The following UNKL variants were observed in gnomAD, a reference collection of about 807,000 sequenced individuals.
UNKL encodes putative E3 ubiquitin-protein ligase UNKL.
A neutral mutation model predicts 78.0 loss-of-function variants in UNKL; 60 were observed. That is an observed-to-expected ratio of 0.77 (90% CI 0.63 to 0.95). The LOEUF is 0.95. Among genes scored for constraint, UNKL ranks in the 40% least tolerant of loss-of-function variants. UNKL has a pLI of 0.00. For synonymous variants in UNKL, 608 were observed against 474.8 expected, an observed-to-expected ratio of 1.28 and a Z score of -3.65; for missense variants, 1,159 against 1,045.7, an observed-to-expected ratio of 1.11 and a Z score of -1.49.
At chr16:1,396,616 CAG>C (rs1387058746) in intron 6 of UNKL, among the ~76,000 whole-genome samples, 12 of 151,670 alleles carry the variant, frequency 7.9e-5, no homozygotes, top group African/African-American at 9.7e-5. Flanking sequence ...TTTCCTGAGG[CAG>C]AGTCTTGCTC....
intron 10 of UNKL, among the ~76,000 whole-genome samples, chr16:1,382,315 C>T (rs139242423): frequency 5.1e-4 from 78 of 152,326 alleles, no homozygotes; most frequent in Middle Eastern, 3.4e-3. Flanking sequence ...GGCCGGAGGG[C>T]GGAAGTTTGA....
chr16:1,389,897 G>C (rs938270112), intron 9 of UNKL, among the ~76,000 whole-genome samples: 4 of 152,142 alleles, frequency 2.6e-5, no homozygotes, highest in Admixed American at 2.6e-4. Flanking sequence ...TCCACCTCCT[G>C]GGCTCCAGCA....
At chr16:1,398,582 C>A in intron 5 of UNKL, 1 of 1,405,314 alleles carries the variant, frequency 7.1e-7, no homozygotes, top group Non-Finnish European at 9.2e-7. Flanking sequence ...TCAAAAGAGG[C>A]GAGGGTGGCT....
chr16:1,380,738 G>A (rs1345038462), intron 10 of UNKL, among the ~76,000 whole-genome samples: 1 of 143,382 alleles, frequency 7.0e-6, no homozygotes, highest in Non-Finnish European at 1.5e-5. Flanking sequence ...GCAGTGGCAC[G>A]ATCTCAGCTC....
chr16:1,389,842 G>A (rs2036968741), intron 9 of UNKL, among the ~76,000 whole-genome samples: 1 of 152,144 alleles, frequency 6.6e-6, no homozygotes, highest in South Asian at 2.1e-4. Context: ...TTGAGACAGG[G>A]CCTCACTCTG....
In UNKL at chr16:1,387,202, A is replaced by T. The variant is rs2036852115; in HGVS notation, c.1087-1817T>A. Among the ~76,000 whole-genome samples the T allele has an allele frequency of 6.6e-6, 1 of 151,046 alleles. No homozygotes were observed. The highest frequency in any genetic ancestry group is 1.9e-4 in the East Asian group (1 of 5,150). On this transcript the variant is annotated intron_variant, in intron 9 of 14. Transcript: ENST00000389221. The surrounding 1 kb of genome is among the most constrained non-coding windows in gnomAD (Gnocchi z 4.1). ...CCCTCCCAGCCATGCAACACCGGGG[A>T]CACTCCCAGCCATGCAACACCGGGG...
intron 5 of UNKL, chr16:1,398,676 T>A: frequency 1.4e-6 from 2 of 1,427,178 alleles, no homozygotes; most frequent in Non-Finnish European, 9.2e-7. Context: ...CCCTGTGGGG[T>A]CTGCACCCCC....
At chr16:1,396,967 G>T in intron 6 of UNKL, 1 of 571,092 alleles carries the variant, frequency 1.8e-6, no homozygotes, top group Non-Finnish European at 3.1e-6. Flanking sequence ...CAAGTGGAGA[G>T]ACTCGCTGGC....
chr16:1,389,113 C>T (rs768770890), intron 9 of UNKL, among the ~76,000 whole-genome samples: 4 of 151,794 alleles, frequency 2.6e-5, no homozygotes, highest in Non-Finnish European at 5.9e-5. Context: ...TGTGACTCCA[C>T]TAGAGACCTC....
chr16:1,368,824 C>T (rs1399955057), intron 12 of UNKL, among the ~76,000 whole-genome samples: 1 of 151,976 alleles, frequency 6.6e-6, no homozygotes, highest in African/African-American at 2.4e-5. Context: ...TCATTTTAAC[C>T]CGGAAGGCAG....
chr16:1,379,707 C>T lies in UNKL; in HGVS notation c.1264+5501G>A. ...AACCCGGCCCGCGCCCCGCCCCCTC[C>T]GCGCTGGCCCCGCCCCGCAACGTGA... On this transcript the variant is annotated intron_variant, in intron 10 of 14. Coordinates refer to ENST00000389221, the MANE Select transcript of UNKL (RefSeq NM_001372107.1). 18 of 982,734 alleles carry T rather than the reference C, an allele frequency of 1.8e-5. No individual in the cohort carries two copies. In the South Asian group the frequency reaches 2.8e-4, roughly 15 times the overall value. 60.9% of individuals were successfully genotyped at this position (982,734 alleles called of 1,614,324 possible).
chr16:1,379,587 C>A (rs2036501240), intron 10 of UNKL: 1 of 985,198 alleles, frequency 1.0e-6, no homozygotes, highest in South Asian at 4.7e-5. Context: ...AGTAACGAGA[C>A]CCGCACCTTG....
chr16:1,376,998 G>C (rs1567210554), intron 10 of UNKL, among the ~76,000 whole-genome samples: 1 of 151,950 alleles, frequency 6.6e-6, no homozygotes, highest in Non-Finnish European at 1.5e-5. Context: ...CGACGCCTGG[G>C]GTTCAGGTGC....
chr16:1,370,913 C>G (rs1024514811), intron 11 of UNKL, among the ~76,000 whole-genome samples: 10 of 152,062 alleles, frequency 6.6e-5, no homozygotes, highest in African/African-American at 1.9e-4. Flanking sequence ...GAAACCCCGT[C>G]TCTATTAAAA....
chr16:1,406,408 T>G (rs1434134271), intron 2 of UNKL, among the ~76,000 whole-genome samples: 1 of 152,136 alleles, frequency 6.6e-6, no homozygotes, highest in African/African-American at 2.4e-5. Context: ...AGACAGGGTT[T>G]CACCATGTTG....
intron 12 of UNKL, chr16:1,368,111 G>T (rs1022595147): frequency 1.3e-5 from 7 of 558,660 alleles, no homozygotes; most frequent in Middle Eastern, 4.7e-4. Context: ...GCCACCTGAG[G>T]AGTCTAAACA....
intron 12 of UNKL, among the ~76,000 whole-genome samples, chr16:1,369,400 A>C (rs1596647240): frequency 7.4e-6 from 1 of 134,662 alleles, no homozygotes; most frequent in African/African-American, 2.8e-5. Context: ...ATGGAGTTTC[A>C]CTCTTGTTGC....
At chr16:1,367,406 C>G (rs964283679) in intron 13 of UNKL, 57 bp from the exon 14 acceptor site, 3 of 1,496,226 alleles carry the variant, frequency 2.0e-6, no homozygotes, top group African/African-American at 1.4e-5. Flanking sequence ...CCTGCAGACC[C>G]TCTTGCCTGT....
At position 1,399,373 on chromosome 16, in the gene UNKL, C is replaced by G. The variant is rs1220056051; in HGVS notation, c.734+1G>C. 1.3e-6 allele frequency: 2 copies of G among 1,590,624 alleles called. No individual in the cohort carries two copies. The highest frequency in any genetic ancestry group is 1.7e-6 in the Non-Finnish European group (2 of 1,167,018). ...CTCTGAGCACGGTCCCGCAGGCTCA[C>G]CTGTACTGGAACCGCCGGGGGTTGC... is the stretch of plus-strand genomic sequence containing the variant. On this transcript the variant is annotated splice_donor_variant, in intron 5 of 14. Coordinates refer to ENST00000389221, the MANE Select transcript of UNKL (RefSeq NM_001372107.1). LOFTEE classifies it high-confidence loss of function. This position sits in a 1 kb window ranked among gnomAD's most constrained non-coding sequence, Gnocchi z 5.8.
Sources: gnomAD v4.1 joint callset for allele counts (sites outside exome capture counted in the v4.1 genomes callset) on GRCh38, gnomAD v4.1.1 for gene constraint, Gnocchi (gnomAD v3.1) non-coding constraint, MANE v1.5 for transcripts, NCBI Gene and HGNC (gene_info 2026-07-23, HGNC 2026-07-21) for gene names.